Variants in NUP42 observed in about 807,000 individuals in gnomAD.
The protein encoded by NUP42 is nucleoporin 42.
NUP42 carries 47 observed loss-of-function variants against 35.9 expected under a neutral mutation model. The observed-to-expected ratio is 1.31, with a 90% CI of 1.04 to 1.67. The LOEUF is 1.67. Ranked by LOEUF, NUP42 falls within the 40% of genes most tolerant of loss-of-function variation. The pLI is 0.00. For synonymous variants in NUP42, 173 were observed against 173.3 expected (o/e 1.00, Z 0.01); for missense variants, 514 against 492.2 (o/e 1.04, Z -0.42).
At chr7:23,182,625 C>CGGT in intron 1 of NUP42, 1 of 537,732 alleles carries the variant, frequency 1.9e-6, no homozygotes, top group Non-Finnish European at 2.4e-6. Context: ...ACCGGCCGGG[C>CGGT]GGTGGCTCAC....
At chr7:23,189,340 C>T (rs1238704676) in intron 3 of NUP42, among the ~76,000 whole-genome samples, 2 of 152,218 alleles carry the variant, frequency 1.3e-5, no homozygotes, top group Non-Finnish European at 2.9e-5. Flanking sequence ...GAGGGCCACA[C>T]GCAGCAGCTC....
At position 23,200,837 on chromosome 7, in the gene NUP42, A is replaced by G. The variant is rs778057942; in HGVS notation, c.*92A>G. 2 of 577,306 alleles carry G rather than the reference A, an allele frequency of 3.5e-6. No individual in the cohort carries two copies. Among genetic ancestry groups the G allele is most frequent in the Admixed American group, 3.9e-5 (1 of 25,386 alleles). The allele number at this position is 577,306 out of a possible 1,614,324, so 35.8% of individuals were successfully genotyped here. A position where few individuals can be genotyped will look rare whatever the true frequency, so the allele number is the denominator to read the frequency against. On this transcript the variant is annotated 3_prime_UTR_variant, in exon 7 of 7. Coordinates refer to ENST00000258742, the MANE Select transcript of NUP42 (RefSeq NM_007342.3). ...TATATATGCATACATGTATATATTC[A>G]TAAGGAATATAAGCTTCCATCAATA...
Position 23,200,817 on chromosome 7 carries a change from A to G in NUP42, c.*72A>G, listed in dbSNP as rs2061252114. Reference sequence around the variant, plus strand: ...GAGTGATTCATACAGAGATGTATATATGCATACATGTATATATTCATAAGG... The same window carrying G: ...GAGTGATTCATACAGAGATGTATATGTGCATACATGTATATATTCATAAGG... On this transcript the variant is annotated 3_prime_UTR_variant, in exon 7 of 7. Transcript: ENST00000258742. 3 of 859,580 alleles carry G rather than the reference A, an allele frequency of 3.5e-6. No individual in the cohort carries two copies. The highest frequency in any genetic ancestry group is 5.1e-5 in the East Asian group (2 of 39,224). 53.2% of individuals were successfully genotyped at this position (859,580 alleles called of 1,614,324 possible).
In NUP42 at chr7:23,199,439, G is replaced by T; in HGVS notation, c.610-19G>T. 1 of 1,599,292 alleles carries T rather than the reference G, an allele frequency of 6.3e-7. No homozygotes were observed. Among genetic ancestry groups the T allele is most frequent in the Non-Finnish European group, 8.6e-7 (1 of 1,166,854 alleles). The stretch of plus-strand genomic sequence containing the variant: ...CTATTCATCAAGCACTTTATTATTT[G>T]CACACTTTTTTTTTTCAGCTCTCTG... On this transcript the variant is annotated intron_variant, in intron 5 of 6. Transcript: ENST00000258742.
At chr7:23,197,298 T>G in intron 5 of NUP42, 1 of 853,224 alleles carries the variant, frequency 1.2e-6, no homozygotes, top group Non-Finnish European at 1.7e-6. Flanking sequence ...CTTAAGAATT[T>G]TATTTTAAAA....
intron 3 of NUP42, chr7:23,187,934 C>CTTG: frequency 5.6e-6 from 2 of 359,712 alleles, no homozygotes; most frequent in Non-Finnish European, 5.1e-6. Flanking sequence ...AGAATATTCT[C>CTTG]TGTCTCTCTC....
chr7:23,185,914 G>T (rs1208087968), intron 2 of NUP42, among the ~76,000 whole-genome samples: 1 of 151,868 alleles, frequency 6.6e-6, no homozygotes, highest in Non-Finnish European at 1.5e-5. Context: ...AATTTTTTGT[G>T]TTTTTAGTAG....
At position 23,195,901 on chromosome 7, in the gene NUP42, A is replaced by G; in HGVS notation, c.508A>G (p.Asn170Asp). ...LEYHNFLTSNNLQSYLNSVQR... is the reference protein window; with the variant it reads ...LEYHNFLTSNDLQSYLNSVQR... ...ATACCATAACTTCTTAACCAGCAAT[A>G]ACTTACAGAGTTATGTAAGTTTGTT... The change falls in exon 4 of 7, where the codon AAC (asparagine) becomes GAC (aspartate). Residue 170 changes from asparagine (N) to aspartate (D), a missense_variant. Transcript: ENST00000258742. The G allele has an allele frequency of 1.3e-6, 2 of 1,598,450 alleles. No individual in the cohort carries two copies. The highest frequency in any genetic ancestry group is 1.7e-6 in the Non-Finnish European group (2 of 1,169,616).
chr7:23,193,832 G>A (rs886391535), intron 3 of NUP42, among the ~76,000 whole-genome samples: 2 of 152,244 alleles, frequency 1.3e-5, no homozygotes, highest in Non-Finnish European at 2.9e-5. Context: ...ACGGAGGTGA[G>A]GGGGAGGCTC....
intron 3 of NUP42, among the ~76,000 whole-genome samples, chr7:23,191,179 A>G (rs1785777357): frequency 6.6e-6 from 1 of 152,250 alleles, no homozygotes; most frequent in African/African-American, 2.4e-5. Context: ...CAGTAAGGCC[A>G]GAGAGATAGC....
intron 3 of NUP42, among the ~76,000 whole-genome samples, chr7:23,193,853 G>A (rs1785906673): frequency 1.3e-5 from 2 of 152,252 alleles, no homozygotes; most frequent in Non-Finnish European, 2.9e-5. Context: ...AGGCATGGCG[G>A]GCTGCAGGTC....
In NUP42 at chr7:23,182,577, T is replaced by C. The variant is rs570122314; in HGVS notation, c.121+371T>C. On this transcript the variant is annotated intron_variant, in intron 1 of 6. Transcript: ENST00000258742. ...TTGGGTCAGAATCAGGACTTCATTT[T>C]GGAGAAGTCGTGGACTTCTTTGAAA... The C allele has an allele frequency of 1.8e-5, 16 of 903,934 alleles. No homozygotes were observed. In the African/African-American group the frequency reaches 2.7e-4, roughly 15 times the overall value. 56.0% of individuals were successfully genotyped at this position (903,934 alleles called of 1,614,324 possible).
At chr7:23,184,197 C>T (rs1785514276) in intron 1 of NUP42, among the ~76,000 whole-genome samples, 1 of 151,998 alleles carries the variant, frequency 6.6e-6, no homozygotes, top group South Asian at 2.1e-4. Context: ...ATGTAAATAC[C>T]ATGTATAATC....
At position 23,200,782 on chromosome 7, in the gene NUP42, A is replaced by G. The variant is rs1052636220; in HGVS notation, c.*37A>G. On this transcript the variant is annotated 3_prime_UTR_variant, in exon 7 of 7. Coordinates refer to ENST00000258742, the MANE Select transcript of NUP42 (RefSeq NM_007342.3). ...TAAATACAAAAAAGAATGATGTTTA[A>G]AATTGCTTTGAGTGATTCATACAGA... 2.1e-6 allele frequency: 3 copies of G among 1,421,276 alleles called. No individual in the cohort carries two copies. The African/African-American group carries it at 4.3e-5, about 20-fold the overall frequency. 88.0% of individuals were successfully genotyped at this position (1,421,276 alleles called of 1,614,324 possible). A position where few individuals can be genotyped will look rare whatever the true frequency, so the allele number is the denominator to read the frequency against.
rs60397960 is a variant in NUP42, at chr7:23,182,742, C to CAAAAAA, written c.121+554_121+559dup. On this transcript the variant is annotated intron_variant, in intron 1 of 6. Transcript: ENST00000258742. Reference sequence around the variant, plus strand: ...GAAACACCGTCTTTACTAAAAATACCAAAAAAAAAAAAAAAAAAAAAAATA... The same window carrying CAAAAAA: ...GAAACACCGTCTTTACTAAAAATACCAAAAAAAAAAAAAAAAAAAAAAAAAAAAATA... Among the ~76,000 whole-genome samples the CAAAAAA allele has an allele frequency of 3.2e-3, 240 of 74,126 alleles. 3 individuals are homozygous for CAAAAAA. Among genetic ancestry groups the CAAAAAA allele is most frequent in the African/African-American group, 0.014 (230 of 16,962 alleles). The allele number at this position is 74,126 out of a possible 152,430, so 48.6% of individuals were successfully genotyped here. A position where few individuals can be genotyped will look rare whatever the true frequency, so the allele number is the denominator to read the frequency against.
rs755681615 is a variant in NUP42, at chr7:23,200,439, C to G, written c.966C>G (p.Ser322=). 16 of 1,614,082 alleles carry G rather than the reference C, an allele frequency of 9.9e-6. No individual in the cohort carries two copies. The highest frequency in any genetic ancestry group is 2.5e-6 in the Non-Finnish European group (3 of 1,180,032). Residue 322 remains serine (S), a synonymous_variant, in exon 7 of 7, where the codon TCC becomes TCG. Coordinates refer to ENST00000258742, the MANE Select transcript of NUP42 (RefSeq NM_007342.3). The part of the protein sequence containing the change: ...GSPGFSGLPA[S]LATGPVRAPV... Reference sequence around the variant, plus strand: ...CTGGATTTTCAGGACTTCCAGCTTCCTTGGCAACAGGTCCTGTCAGAGCTC... The same window carrying G: ...CTGGATTTTCAGGACTTCCAGCTTCGTTGGCAACAGGTCCTGTCAGAGCTC...
intron 1 of NUP42, among the ~76,000 whole-genome samples, chr7:23,183,362 G>C (rs1785480627): frequency 6.6e-6 from 1 of 152,098 alleles, no homozygotes. Flanking sequence ...TGGGATTACG[G>C]GTGCCCGCCA....
intron 3 of NUP42, chr7:23,187,888 G>A (rs1035427008): frequency 2.1e-6 from 1 of 467,668 alleles, no homozygotes; most frequent in African/African-American, 2.0e-5. Context: ...TTATAGGCGT[G>A]AGCCACCACA....
At chr7:23,196,010 G>T (rs1450478395) in intron 4 of NUP42, 95 bp downstream of exon 4, 8 of 579,128 alleles carry the variant, frequency 1.4e-5, no homozygotes, top group East Asian at 6.3e-5. Context: ...AACCGATGAG[G>T]TCTATGATCT....
Sources: allele counts gnomAD v4.1 joint callset (sites outside exome capture counted in the v4.1 genomes callset), GRCh38; gene constraint gnomAD v4.1.1; transcripts MANE v1.5; gene names NCBI Gene and HGNC (gene_info 2026-07-23, HGNC 2026-07-21).